Variants in CAPZA3 observed in about 807,000 individuals in gnomAD.
CAPZA3 encodes F-actin-capping protein subunit alpha-3.
In CAPZA3, 22 loss-of-function variants were observed where a neutral mutation model predicts 23.6. That is an observed-to-expected ratio of 0.93 (90% confidence interval 0.67 to 1.33). The LOEUF is 1.33. Among genes scored for constraint, CAPZA3 ranks in the 40% most tolerant of loss-of-function variants. CAPZA3 has a pLI of 0.00. For synonymous variants in CAPZA3, 142 were observed against 126.5 expected (o/e 1.12, Z -0.82); for missense variants, 357 against 345.9 (o/e 1.03, Z -0.25).
Position 18,738,326 on chromosome 12 carries a change from T to C in CAPZA3, c.58T>C (p.Leu20=), listed in dbSNP as rs199732157. The change falls in exon 1 of 1, where the codon TTA becomes CTA. Residue 20 remains leucine, a synonymous_variant. Coordinates refer to ENST00000317658, the MANE Select transcript of CAPZA3 (RefSeq NM_033328.3). ...DKERVIRRLL[L]QAPPGEFVNA... is the part of the protein sequence containing the mutation. ...GGAAAGAGTAATTCGCAGACTGTTA[T>C]TACAGGCCCCTCCAGGGGAATTTGT... The C allele has an allele frequency of 1.9e-4, 300 of 1,614,036 alleles. No homozygotes were observed. In the East Asian group the frequency reaches 2.7e-3, roughly 14 times the overall value.
chr12:18,738,397 T>C lies in CAPZA3; in HGVS notation c.129T>C (p.Leu43=), dbSNP rs747085317. ...DLCLLIRDEK[L]MHHQGECAGH... The stretch of plus-strand genomic sequence containing the variant: ...GTCTGCTTATCCGTGATGAAAAACT[T>C]ATGCACCACCAAGGTGAGTGTGCAG... Residue 43 remains leucine, a synonymous_variant, in exon 1 of 1, where the codon CTT becomes CTC. Transcript: ENST00000317658. The C allele has an allele frequency of 6.2e-7, 1 of 1,614,094 alleles. No homozygotes were observed. The highest frequency in any genetic ancestry group is 8.5e-7 in the Non-Finnish European group (1 of 1,179,992).
Position 18,738,556 on chromosome 12 carries a change from G to C in CAPZA3, c.288G>C (p.Leu96=). The stretch of plus-strand genomic sequence containing the variant: ...GCAAACTTTCTTTCAAATATGACCT[G>C]CTTCAAAATCAGCTGAAAGACATCC... ...HQSKLSFKYD[L]LQNQLKDIQS... is the part of the protein sequence containing the mutation. Residue 96 remains leucine, a synonymous_variant, in exon 1 of 1, where the codon CTG becomes CTC. Transcript: ENST00000317658. The C allele has an allele frequency of 1.2e-6, 2 of 1,614,078 alleles. No homozygotes were observed. The highest frequency in any genetic ancestry group is 1.7e-5 in the Admixed American group (1 of 59,984).
At position 18,738,236 on chromosome 12, in the gene CAPZA3, A is replaced by G. The variant is rs1464745827; in HGVS notation, c.-33A>G. The G allele has an allele frequency of 6.4e-7, 1 of 1,557,790 alleles. No individual in the cohort carries two copies. The highest frequency in any genetic ancestry group is 1.2e-5 in the South Asian group (1 of 80,880). On this transcript the variant is annotated 5_prime_UTR_variant, in exon 1 of 1. Transcript: ENST00000317658. ...TTTTCTTATCCTTTGAACACTCCTCATTTCAGAAGCTTTGCTTCTGTTGCA... is the reference window on the plus strand; with the variant it reads ...TTTTCTTATCCTTTGAACACTCCTCGTTTCAGAAGCTTTGCTTCTGTTGCA...
chr12:18,739,176 C>T lies in CAPZA3; in HGVS notation c.*8C>T, dbSNP rs1296041596. On this transcript the variant is annotated 3_prime_UTR_variant, in exon 1 of 1. Coordinates refer to ENST00000317658, the MANE Select transcript of CAPZA3 (RefSeq NM_033328.3). ...TGCAACTGGATAATATAAAGAATTG[C>T]TCCTGGTAACTATCTTGATTTGACT... The T allele has an allele frequency of 3.2e-6, 5 of 1,583,892 alleles. No homozygotes were observed. Among genetic ancestry groups the T allele is most frequent in the South Asian group, 1.1e-5 (1 of 88,272 alleles).
chr12:18,738,603 A>G lies in CAPZA3; in HGVS notation c.335A>G (p.Asn112Ser). Residue 112 changes from asparagine to serine, a missense_variant, in exon 1 of 1, where the codon AAT becomes AGT. Physicochemically the swap from Asn to Ser is conservative, Grantham distance 46. Transcript: ENST00000317658. Reference protein sequence around the residue: ...KDIQSHGIIQNEAEYLRVVLL... With the variant: ...KDIQSHGIIQSEAEYLRVVLL... ...ATCCAAAGTCATGGTATCATTCAGA[A>G]TGAGGCAGAATACCTGAGAGTTGTT... is the stretch of plus-strand genomic sequence containing the variant. The G allele has an allele frequency of 6.2e-7, 1 of 1,614,116 alleles. No homozygotes were observed. Among genetic ancestry groups the G allele is most frequent in the South Asian group, 1.1e-5 (1 of 91,088 alleles).
Position 18,739,035 on chromosome 12 carries a change from T to C in CAPZA3, c.767T>C (p.Leu256Pro), listed in dbSNP as rs1565753321. The C allele has an allele frequency of 6.2e-7, 1 of 1,611,994 alleles. No homozygotes were observed. The highest frequency in any genetic ancestry group is 8.5e-7 in the Non-Finnish European group (1 of 1,179,922). ...ELSNEALRKI[L>P]RRDLPVTRTL... ...TCCAATGAAGCCCTGAGAAAAATTC[T>C]ACGAAGGGATCTTCCAGTGACCCGC... Residue 256 changes from leucine (L) to proline (P), a missense_variant, in exon 1 of 1, where the codon CTA becomes CCA. By Grantham distance (98) the Leu-to-Pro change is moderately conservative. Coordinates refer to ENST00000317658, the MANE Select transcript of CAPZA3 (RefSeq NM_033328.3).
rs1311156348 is a variant in CAPZA3 at position 18,738,816 on chromosome 12, C to T, written c.548C>T (p.Thr183Ile). 1 of 1,614,012 alleles carries T rather than the reference C, an allele frequency of 6.2e-7. No individual in the cohort carries two copies. The highest frequency in any genetic ancestry group is 8.5e-7 in the Non-Finnish European group (1 of 1,179,954). ...ATTTTCCAAGTTAACCCATTTCTAACCCAAGTAACGGGAAGAATATTTGTG... is the reference window on the plus strand; with the variant it reads ...ATTTTCCAAGTTAACCCATTTCTAATCCAAGTAACGGGAAGAATATTTGTG... ...KWIFQVNPFL[T>I]QVTGRIFVQA... Residue 183 changes from threonine (T) to isoleucine (I), a missense_variant, in exon 1 of 1, where the codon ACC becomes ATC. Physicochemically the swap from Thr to Ile is moderately conservative, Grantham distance 89. Coordinates refer to ENST00000317658, the MANE Select transcript of CAPZA3 (RefSeq NM_033328.3).
rs1350699493 is a variant in CAPZA3 at position 18,739,177 on chromosome 12, T to C, written c.*9T>C. On this transcript the variant is annotated 3_prime_UTR_variant, in exon 1 of 1. Transcript: ENST00000317658. ...GCAACTGGATAATATAAAGAATTGCTCCTGGTAACTATCTTGATTTGACTT... is the reference window on the plus strand; with the variant it reads ...GCAACTGGATAATATAAAGAATTGCCCCTGGTAACTATCTTGATTTGACTT... The C allele has an allele frequency of 6.3e-7, 1 of 1,586,652 alleles. No individual in the cohort carries two copies. Among genetic ancestry groups the C allele is most frequent in the South Asian group, 1.1e-5 (1 of 88,732 alleles).
In CAPZA3 at chr12:18,739,103, G is replaced by A; in HGVS notation, c.835G>A (p.Val279Met). ...WHRILSDLNL[V>M]MYPKLGYVIY... ...CAGGATACTCTCTGACTTGAATCTG[G>A]TGATGTATCCTAAATTAGGATATGT... The change falls in exon 1 of 1, where the codon GTG (valine) becomes ATG (methionine). Residue 279 changes from valine to methionine, a missense_variant. Transcript: ENST00000317658. 1 of 1,612,758 alleles carries A rather than the reference G, an allele frequency of 6.2e-7. No individual in the cohort carries two copies. Among genetic ancestry groups the A allele is most frequent in the Non-Finnish European group, 8.5e-7 (1 of 1,179,494 alleles).
rs1959673310 is a variant in CAPZA3 at position 18,738,564 on chromosome 12, A to G, written c.296A>G (p.Asn99Ser). 1.9e-6 allele frequency: 3 copies of G among 1,614,120 alleles called. No homozygotes were observed. Among genetic ancestry groups the G allele is most frequent in the Non-Finnish European group, 2.5e-6 (3 of 1,180,000 alleles). Reference protein sequence around the residue: ...KLSFKYDLLQNQLKDIQSHGI... With the variant: ...KLSFKYDLLQSQLKDIQSHGI... ...TCTTTCAAATATGACCTGCTTCAAA[A>G]TCAGCTGAAAGACATCCAAAGTCAT... The change falls in exon 1 of 1, where the codon AAT becomes AGT. Residue 99 changes from asparagine (N) to serine (S), a missense_variant. Coordinates refer to ENST00000317658, the MANE Select transcript of CAPZA3 (RefSeq NM_033328.3).
Sources: allele counts gnomAD v4.1 joint callset, GRCh38; gene constraint gnomAD v4.1.1; transcripts MANE v1.5; gene names NCBI Gene and HGNC (gene_info 2026-07-23, HGNC 2026-07-21).